CAMK2A: variants seen among roughly 807,000 people sequenced by gnomAD.
CAMK2A encodes calcium/calmodulin dependent protein kinase II alpha.
CAMK2A carries 7 observed loss-of-function variants against 79.2 expected under a neutral mutation model. The observed-to-expected ratio is 0.09, with a 90% confidence interval of 0.05 to 0.17. The LOEUF is 0.17. Among genes scored for constraint, CAMK2A ranks in the 10% least tolerant of loss-of-function variants. The pLI is 1.00. For synonymous variants in CAMK2A, 242 were observed against 251.7 expected, an observed-to-expected ratio of 0.96 and a Z score of 0.36; for missense variants, 214 against 646.4, an observed-to-expected ratio of 0.33 and a Z score of 7.25.
chr5:150,240,450 G>C (rs1052457239), intron 13 of CAMK2A, among the ~76,000 whole-genome samples: 1 of 152,232 alleles, frequency 6.6e-6, no homozygotes, highest in Non-Finnish European at 1.5e-5. Flanking sequence ...CTGAGGCTCA[G>C]CCAGAAGTGG....
chr5:150,234,364 A>G (rs1362400812), intron 15 of CAMK2A, among the ~76,000 whole-genome samples: 1 of 152,128 alleles, frequency 6.6e-6, no homozygotes, highest in Non-Finnish European at 1.5e-5. Context: ...CTGGCTTTGG[A>G]TTCTGGCTAT....
intron 15 of CAMK2A, among the ~76,000 whole-genome samples, chr5:150,234,298 C>G (rs1754973269): frequency 6.6e-6 from 1 of 152,184 alleles, no homozygotes; most frequent in African/African-American, 2.4e-5. Flanking sequence ...CTTCTCCCTG[C>G]CATCTCAGAG....
chr5:150,274,516 C>A lies in CAMK2A; in HGVS notation c.63-1357G>T, dbSNP rs1000974808. ...TGCCAAAAAGGCCATGTGCTCCAAC[C>A]CCTTCATCTACAGAGGAGACTCCTA... On this transcript the variant is annotated intron_variant, in intron 1 of 18. Coordinates refer to ENST00000671881, the MANE Select transcript of CAMK2A (RefSeq NM_015981.4). Among the ~76,000 whole-genome samples the A allele has an allele frequency of 7.2e-5, 11 of 152,258 alleles. No individual in the cohort carries two copies. The East Asian group carries it at 9.7e-4, about 13-fold the overall frequency.
At chr5:150,273,246 C>T (rs1338916599) in intron 1 of CAMK2A, 87 bp from the exon 2 acceptor site, 9 of 986,648 alleles carry the variant, frequency 9.1e-6, no homozygotes, top group African/African-American at 8.0e-5. Flanking sequence ...CACTGCCCCA[C>T]GCTAGACAGA....
chr5:150,255,521 G>A (rs1366832390), intron 6 of CAMK2A, among the ~76,000 whole-genome samples: 1 of 152,244 alleles, frequency 6.6e-6, no homozygotes, highest in African/African-American at 2.4e-5. Context: ...CAAAGCTGCT[G>A]GAGTCCGTCT....
chr5:150,266,516 T>C (rs1450477982), intron 2 of CAMK2A, among the ~76,000 whole-genome samples: 1 of 152,230 alleles, frequency 6.6e-6, no homozygotes, highest in Non-Finnish European at 1.5e-5. Context: ...GGGCTTTATA[T>C]GCCTTTCAAG....
intron 1 of CAMK2A, among the ~76,000 whole-genome samples, chr5:150,281,705 A>C (rs1238252077): frequency 6.6e-6 from 1 of 152,234 alleles, no homozygotes; most frequent in Non-Finnish European, 1.5e-5. Context: ...TGCGTGTTGC[A>C]GTGAGTGTGC....
At chr5:150,230,644 G>T (rs990206182) in intron 16 of CAMK2A, among the ~76,000 whole-genome samples, 20 of 152,232 alleles carry the variant, frequency 1.3e-4, no homozygotes, top group Admixed American at 4.6e-4. Flanking sequence ...CTGTTTCTGG[G>T]CCAGGCCAGG....
At chr5:150,283,515 C>T (rs1757299264) in intron 1 of CAMK2A, among the ~76,000 whole-genome samples, 1 of 152,204 alleles carries the variant, frequency 6.6e-6, no homozygotes, top group Non-Finnish European at 1.5e-5. Flanking sequence ...GCTGGAACTA[C>T]AGGCGTGCAC....
Position 150,264,512 on chromosome 5 carries a change from G to A in CAMK2A, c.217+444C>T, listed in dbSNP as rs905506734. 2.6e-4 allele frequency among the ~76,000 whole-genome samples: 39 copies of A among 152,324 alleles called. 1 individual carries two copies. In the Middle Eastern group the frequency reaches 0.01, roughly 40 times the overall value. On this transcript the variant is annotated intron_variant, in intron 3 of 18. Transcript: ENST00000671881. ...CAGCCTCTCCATGCAGCCTGTGCCCGGCCTGTGGGCCAGGGCCTGAGTTGG... is the reference window on the plus strand; with the variant it reads ...CAGCCTCTCCATGCAGCCTGTGCCCAGCCTGTGGGCCAGGGCCTGAGTTGG...
At chr5:150,247,203 A>G (rs532888900) in intron 12 of CAMK2A, among the ~76,000 whole-genome samples, 1 of 152,372 alleles carries the variant, frequency 6.6e-6, no homozygotes, top group South Asian at 2.1e-4. Context: ...AGTTAAAGGC[A>G]CTTGCCCTGG....
At position 150,222,044 on chromosome 5, in the gene CAMK2A, G is replaced by T; in HGVS notation, c.*666C>A. 5.5e-6 allele frequency: 1 copy of T among 182,076 alleles called. No individual in the cohort carries two copies. The highest frequency in any genetic ancestry group is 5.6e-5 in the Admixed American group (1 of 17,778). The allele number at this position is 182,076 out of a possible 1,614,324, so 11.3% of individuals were successfully genotyped here. The stretch of plus-strand genomic sequence containing the variant: ...AGGGATGACGGGGGTGGGGTGGGCA[G>T]GTTAATGTTGGAGGTGGACTTCACC... On this transcript the variant is annotated 3_prime_UTR_variant, in exon 19 of 19. Transcript: ENST00000671881.
intron 1 of CAMK2A, among the ~76,000 whole-genome samples, chr5:150,278,045 T>G (rs1757027761): frequency 6.6e-6 from 1 of 152,214 alleles, no homozygotes; most frequent in South Asian, 2.1e-4. Flanking sequence ...CAATCCTAGC[T>G]CACCCCCAAC....
Position 150,223,101 on chromosome 5 carries a change from C to T in CAMK2A, c.1354G>A (p.Gly452Ser), listed in dbSNP as rs199592588. The change falls in exon 18 of 19, where the codon GGC (glycine) becomes AGC (serine). Residue 452 changes from glycine (G) to serine (S), a missense_variant. Physicochemically the swap from Gly to Ser is moderately conservative, Grantham distance 56. Around this residue, in one of 4 missense-constraint regions of CAMK2A, gnomAD observed 123 missense variants for 242.4 expected, o/e 0.51. Coordinates refer to ENST00000671881, the MANE Select transcript of CAMK2A (RefSeq NM_015981.4). This position sits in a 1 kb window ranked among gnomAD's most constrained non-coding sequence, Gnocchi z 4.1. ...GACTGGGCGGTGCGTGGGATGCCGC[C>T]AGCGTCCAGGTACTGCGTGATGCGG... ...YIRITQYLDAGGIPRTAQSEE... is the reference protein window; with the variant it reads ...YIRITQYLDASGIPRTAQSEE... 2 of 1,614,180 alleles carry T rather than the reference C, an allele frequency of 1.2e-6. No individual in the cohort carries two copies. The highest frequency in any genetic ancestry group is 4.5e-5 in the East Asian group (2 of 44,880).
At chr5:150,222,742 G>A (rs1206113337) in intron 18 of CAMK2A, 29 bp from the exon 19 acceptor site, 1 of 1,613,814 alleles carries the variant, frequency 6.2e-7, no homozygotes. Context: ...GTGCTTCTCA[G>A]GGCATGGTGT....
chr5:150,275,167 G>A (rs1478911253), intron 1 of CAMK2A, among the ~76,000 whole-genome samples: 2 of 152,164 alleles, frequency 1.3e-5, no homozygotes, highest in Admixed American at 6.5e-5. Context: ...CAGAATTCAT[G>A]GGCACACAGA....
chr5:150,234,232 C>T (rs1327146979), intron 15 of CAMK2A, among the ~76,000 whole-genome samples: 1 of 152,168 alleles, frequency 6.6e-6, no homozygotes, highest in East Asian at 1.9e-4. Context: ...GACTTTAAGA[C>T]CCTTCTGGCT....
chr5:150,257,431 G>C, intron 4 of CAMK2A, 132 bp downstream of exon 4: 1 of 734,568 alleles, frequency 1.4e-6, no homozygotes, highest in Non-Finnish European at 2.4e-6. Context: ...GCACTGCTTG[G>C]GTGGCAGGCC....
intron 13 of CAMK2A, among the ~76,000 whole-genome samples, chr5:150,242,742 A>C (rs78111894): frequency 0.042 from 6,396 of 152,190 alleles, 426 homozygotes; most frequent in African/African-American, 0.14. Flanking sequence ...TCCAGTTTCA[A>C]TCGTACTGAA....
Sources: allele counts gnomAD v4.1 joint callset (sites outside exome capture counted in the v4.1 genomes callset), GRCh38; gene constraint gnomAD v4.1.1; regional missense constraint gnomAD v4.1.1; non-coding constraint Gnocchi (gnomAD v3.1); transcripts MANE v1.5; gene names NCBI Gene and HGNC (gene_info 2026-07-23, HGNC 2026-07-21).